The following ODR4 variants were observed in gnomAD, a reference collection of about 807,000 sequenced individuals.
ODR4 encodes protein odr-4 homolog.
In ODR4, 47 loss-of-function variants were observed where a neutral mutation model predicts 60.2. That is an observed-to-expected ratio of 0.78 (90% CI 0.62 to 1.00). ODR4 has a LOEUF of 1.00. ODR4 is among the 50% of genes least tolerant of loss of function. ODR4 has a pLI of 0.00. For missense variants in ODR4, 488 were observed against 530.8 expected (o/e 0.92, Z 0.79); for synonymous variants, 178 against 175.5 (o/e 1.01, Z -0.11).
chr1:186,383,474 G>A (rs999752452), intron 3 of ODR4, among the ~76,000 whole-genome samples: 6 of 151,970 alleles, frequency 3.9e-5, no homozygotes, highest in South Asian at 2.1e-4. Flanking sequence ...GGGGGTGAGG[G>A]GAGGGAACTT....
chr1:186,431,573 G>GA, the ODR4 span, among the ~76,000 whole-genome samples: 1 of 152,074 alleles, frequency 6.6e-6, no homozygotes, highest in Non-Finnish European at 1.5e-5. Context: ...TGCAAGGATG[G>GA]AAAAAAAGTG....
chr1:186,405,417 G>T (rs185349916), intron 11 of ODR4, among the ~76,000 whole-genome samples: 2 of 152,284 alleles, frequency 1.3e-5, no homozygotes, highest in African/African-American at 4.8e-5. Context: ...TGCCTATGAG[G>T]CTAAAACAGA....
At position 186,399,026 on chromosome 1, in the gene ODR4, G is replaced by GAAATTCCAGAAAAAAAAGTTATGAGTATA; in HGVS notation, c.987_1000+15dup. On this transcript the variant is annotated frameshift_variant, in exon 11 of 14. Coordinates refer to ENST00000287859, the MANE Select transcript of ODR4 (RefSeq NM_017847.6). LOFTEE classifies it high-confidence loss of function. ...GCTATTTGAGGATCTGCTTTTGAAT[G>GAAATTCCAGAAAAAAAAGTTATGAGTATA]AAATTCCAGAAAAAAAAGTTATGAG... 1 of 1,610,340 alleles carries GAAATTCCAGAAAAAAAAGTTATGAGTATA rather than the reference G, an allele frequency of 6.2e-7. No individual in the cohort carries two copies.
intron 12 of ODR4, among the ~76,000 whole-genome samples, chr1:186,413,207 C>T (rs1223316603): frequency 6.6e-6 from 1 of 151,774 alleles, no homozygotes; most frequent in Non-Finnish European, 1.5e-5. Flanking sequence ...GAAATATACT[C>T]ATTAGAACAT....
the ODR4 span, chr1:186,435,020 ATGAAAAACTAATTTTT>A: frequency 1.3e-5 from 2 of 152,214 alleles, no homozygotes; most frequent in African/African-American, 4.8e-5. Context: ...ACCTTATTTT[ATGAAAAACTAATTTTT>A]AGGAGCATTT....
downstream of ODR4, among the ~76,000 whole-genome samples, chr1:186,425,705 A>G (rs755311547): frequency 2.0e-5 from 3 of 152,346 alleles, no homozygotes; most frequent in East Asian, 3.9e-4. Flanking sequence ...TAAGAGGTCT[A>G]TGAGGCACTG....
intron 12 of ODR4, among the ~76,000 whole-genome samples, chr1:186,414,017 G>A (rs752903571): frequency 2.0e-5 from 3 of 152,074 alleles, no homozygotes; most frequent in Non-Finnish European, 2.9e-5. Context: ...GAGATCTAGT[G>A]TTCTATTGAA....
downstream of ODR4, among the ~76,000 whole-genome samples, chr1:186,424,151 C>T (rs1219606700): frequency 6.6e-6 from 1 of 152,104 alleles, no homozygotes; most frequent in Non-Finnish European, 1.5e-5. Flanking sequence ...TTTTTAATTA[C>T]TCAAATGTCC....
In ODR4 at chr1:186,383,042, T is replaced by A; in HGVS notation, c.120T>A (p.Tyr40Ter). 6.3e-7 allele frequency: 1 copy of A among 1,584,408 alleles called. No individual in the cohort carries two copies. Among genetic ancestry groups the A allele is most frequent in the Non-Finnish European group, 8.6e-7 (1 of 1,164,212 alleles). The change falls in exon 3 of 14, where the codon TAT becomes TAA. Residue 40 changes from tyrosine (Y) to a stop codon, truncating the protein, a stop_gained. Coordinates refer to ENST00000287859, the MANE Select transcript of ODR4 (RefSeq NM_017847.6). LOFTEE classifies it high-confidence loss of function. ...LIGQCSSQKD[Y>*]VILATRTPPK... ...TGAAGTGTTCGTCACAAAAGGATTA[T>A]GTGATTCTTGCCACTAGAACGCCAC...
chr1:186,422,666 AAG>A (rs1661813884), downstream of ODR4, among the ~76,000 whole-genome samples: 1 of 152,166 alleles, frequency 6.6e-6, no homozygotes, highest in African/African-American at 2.4e-5. Flanking sequence ...AGAGGAGAAA[AAG>A]AAATACTTAA....
chr1:186,396,526 T>C (rs1362433518), intron 9 of ODR4, among the ~76,000 whole-genome samples: 1 of 152,080 alleles, frequency 6.6e-6, no homozygotes, highest in Non-Finnish European at 1.5e-5. Flanking sequence ...GGAGGATCGA[T>C]TGAGCCTAGG....
intron 13 of ODR4, 95 bp from the exon 14 acceptor site, chr1:186,418,914 G>T: frequency 1.0e-6 from 1 of 977,952 alleles, no homozygotes. Flanking sequence ...TGTTTTTTAG[G>T]CCCATCAGTT....
intron 12 of ODR4, among the ~76,000 whole-genome samples, chr1:186,414,386 TTTTG>T (rs1661479654): frequency 6.6e-6 from 1 of 152,136 alleles, no homozygotes; most frequent in African/African-American, 2.4e-5. Flanking sequence ...ACTAAAACAA[TTTTG>T]TTTTTTTATA....
chr1:186,397,433 T>G (rs892702913), intron 9 of ODR4, among the ~76,000 whole-genome samples: 3 of 152,196 alleles, frequency 2.0e-5, no homozygotes, highest in African/African-American at 7.2e-5. Context: ...ATTTTTTGTT[T>G]CCACTGTTAT....
chr1:186,431,627 A>T, the ODR4 span, among the ~76,000 whole-genome samples: 1 of 152,218 alleles, frequency 6.6e-6, no homozygotes, highest in African/African-American at 2.4e-5. Context: ...TAGTATTTTT[A>T]TGGAAGCCAA....
intron 12 of ODR4, among the ~76,000 whole-genome samples, chr1:186,415,099 A>AG (rs370284187): frequency 2.0e-5 from 3 of 149,948 alleles, no homozygotes; most frequent in African/African-American, 4.8e-5. Flanking sequence ...AGAAAAAAAA[A>AG]GGGGGGAGGG....
Position 186,398,313 on chromosome 1 carries a change from C to A in ODR4, c.781C>A (p.Leu261Ile). Residue 261 changes from leucine to isoleucine, a missense_variant and splice_region_variant, in exon 10 of 14, where the codon CTC becomes ATC. Leu to Ile is a conservative substitution (Grantham distance 5). Transcript: ENST00000287859. ...SFDVRVLTQL[L>I]LNSDHRSTAT... Reference sequence around the variant, plus strand: ...AACTTAAACAGATTTTGTCTTTCAGCTCCTGAATTCAGACCACAGATCCAC... The same window carrying A: ...AACTTAAACAGATTTTGTCTTTCAGATCCTGAATTCAGACCACAGATCCAC... 1 of 1,576,380 alleles carries A rather than the reference C, an allele frequency of 6.3e-7. No individual in the cohort carries two copies. Among genetic ancestry groups the A allele is most frequent in the Non-Finnish European group, 8.6e-7 (1 of 1,162,452 alleles).
intron 12 of ODR4, among the ~76,000 whole-genome samples, chr1:186,413,362 A>G (rs973235091): frequency 2.0e-5 from 3 of 152,154 alleles, no homozygotes; most frequent in Admixed American, 2.0e-4. Context: ...GTTCTATAGT[A>G]TAGTTGCCCA....
At chr1:186,379,181 C>T (rs544468029) in intron 1 of ODR4, among the ~76,000 whole-genome samples, 11 of 151,898 alleles carry the variant, frequency 7.2e-5, no homozygotes, top group South Asian at 2.1e-4. Context: ...TGGTGGCTCA[C>T]GCCTGTAATC....
Sources: allele counts gnomAD v4.1 joint callset (sites outside exome capture counted in the v4.1 genomes callset), GRCh38; gene constraint gnomAD v4.1.1; transcripts MANE v1.5; gene names NCBI Gene and HGNC (gene_info 2026-07-23, HGNC 2026-07-21).